MEIS1: variants seen among roughly 807,000 people sequenced by gnomAD.
The protein encoded by MEIS1 is homeobox protein Meis1.
A neutral mutation model predicts 50.8 loss-of-function variants in MEIS1; 5 were observed. That is an observed-to-expected ratio of 0.10 (90% CI 0.05 to 0.21). The LOEUF (loss-of-function observed/expected upper bound fraction) is 0.21, where lower values mean the gene tolerates loss of function less well. Among genes scored for constraint, MEIS1 ranks in the 10% least tolerant of loss-of-function variants. The pLI is 1.00. For missense variants in MEIS1, 318 were observed against 517.3 expected, an observed-to-expected ratio of 0.61 and a Z score of 3.74; for synonymous variants, 176 against 179.3, an observed-to-expected ratio of 0.98 and a Z score of 0.15.
chr2:66,437,167 T>C (rs1156848146), intron 1 of MEIS1, among the ~76,000 whole-genome samples: 1 of 152,168 alleles, frequency 6.6e-6, no homozygotes, highest in African/African-American at 2.4e-5. Context: ...GAGTTTGTCT[T>C]GGAAAGCAAA....
chr2:66,529,691 C>T (rs1674343394), intron 8 of MEIS1, among the ~76,000 whole-genome samples: 1 of 152,122 alleles, frequency 6.6e-6, no homozygotes, highest in South Asian at 2.1e-4. Context: ...AAAGGTAGAT[C>T]CTTTTGCAAT....
chr2:66,542,135 T>C (rs1180301390), intron 8 of MEIS1, among the ~76,000 whole-genome samples: 2 of 152,218 alleles, frequency 1.3e-5, no homozygotes, highest in African/African-American at 4.8e-5. Context: ...TAAATATATT[T>C]GGTTAACAAG....
Position 66,464,145 on chromosome 2 carries a change from A to G in MEIS1, c.667A>G (p.Thr223Ala). ...WNRDHDDTASTRSGGTPGPSS... is the reference protein window; with the variant it reads ...WNRDHDDTASARSGGTPGPSS... The stretch of plus-strand genomic sequence containing the variant: ...CAGAGATCATGATGACACGGCATCT[A>G]CTCGTTCAGGAGGAACCCCAGGCCC... The change falls in exon 7 of 13, where the codon ACT becomes GCT. Residue 223 changes from threonine (T) to alanine (A), a missense_variant. Thr to Ala is a moderately conservative substitution (Grantham distance 58). Transcript: ENST00000272369. 6.2e-7 allele frequency: 1 copy of G among 1,605,106 alleles called. No homozygotes were observed. The highest frequency in any genetic ancestry group is 8.5e-7 in the Non-Finnish European group (1 of 1,176,062).
chr2:66,495,080 CTTTTTT>C (rs70943701), intron 7 of MEIS1, among the ~76,000 whole-genome samples: 2 of 91,516 alleles, frequency 2.2e-5, no homozygotes, highest in Non-Finnish European at 4.1e-5. Context: ...CTCTTCTGAC[CTTTTTT>C]TTTTTTTTTT....
intron 9 of MEIS1, among the ~76,000 whole-genome samples, chr2:66,557,772 G>T (rs538522280): frequency 7.2e-5 from 11 of 152,152 alleles, no homozygotes; most frequent in African/African-American, 2.7e-4. Flanking sequence ...GGGAATGACA[G>T]TATAGCAACA....
chr2:66,475,259 T>C (rs1168895340), intron 7 of MEIS1, among the ~76,000 whole-genome samples: 3 of 133,912 alleles, frequency 2.2e-5, no homozygotes, highest in Non-Finnish European at 4.6e-5. Context: ...ATTTATAAAA[T>C]AAATATATAA....
rs1293756293 is a variant in MEIS1 at position 66,550,476 on chromosome 2, G to A, written c.965+2457G>A. ...TAGAAACCTCTTCCTGTTTTGTTTT[G>A]TTTTGTTTTGTTTTGTTTTGTTTTG... On this transcript the variant is annotated intron_variant, in intron 9 of 12. Transcript: ENST00000272369. 2.3e-5 allele frequency among the ~76,000 whole-genome samples: 3 copies of A among 129,706 alleles called. No individual in the cohort carries two copies. The East Asian group carries it at 6.3e-4, about 27-fold the overall frequency. 85.1% of individuals were successfully genotyped at this position (129,706 alleles called of 152,430 possible).
Position 66,456,211 on chromosome 2 carries a change from A to C in MEIS1, c.631-7898A>C, listed in dbSNP as rs146140026. Among the ~76,000 whole-genome samples, 83 of 146,258 alleles carry C rather than the reference A, an allele frequency of 5.7e-4. 1 individual carries two copies. In the East Asian group the frequency reaches 0.016, roughly 28 times the overall value. On this transcript the variant is annotated intron_variant, in intron 6 of 12. Transcript: ENST00000272369. Reference sequence around the variant, plus strand: ...CTATGTCTACCTATACAAACTACCCACAGTGACTATCATATGATTTTTATA... The same window carrying C: ...CTATGTCTACCTATACAAACTACCCCCAGTGACTATCATATGATTTTTATA...
At chr2:66,483,984 C>G (rs1437039121) in intron 7 of MEIS1, among the ~76,000 whole-genome samples, 1 of 152,152 alleles carries the variant, frequency 6.6e-6, no homozygotes, top group African/African-American at 2.4e-5. Context: ...CTTTGAATTT[C>G]AGTACATCAA....
chr2:66,532,865 C>CAT (rs1259254500), intron 8 of MEIS1, among the ~76,000 whole-genome samples: 24 of 151,706 alleles, frequency 1.6e-4, no homozygotes, highest in Admixed American at 4.6e-4. Context: ...CTTTAGTCTG[C>CAT]ATATATATAT....
At chr2:66,516,577 TTGTGTGTGTGTGTG>T (rs59154318) in intron 8 of MEIS1, among the ~76,000 whole-genome samples, 2 of 148,132 alleles carry the variant, frequency 1.4e-5, no homozygotes, top group South Asian at 2.2e-4. Context: ...CCTGGAAAAT[TTGTGTGTGTGTGTG>T]TGTGTGTGTG....
At chr2:66,502,564 G>C (rs1264451052) in intron 7 of MEIS1, among the ~76,000 whole-genome samples, 1 of 152,174 alleles carries the variant, frequency 6.6e-6, no homozygotes, top group Non-Finnish European at 1.5e-5. Flanking sequence ...CCTGAAGTCT[G>C]GCTTATATCA....
chr2:66,453,911 G>T (rs189761535), intron 6 of MEIS1, among the ~76,000 whole-genome samples: 272 of 152,018 alleles, frequency 1.8e-3, no homozygotes, highest in Non-Finnish European at 2.7e-3. Context: ...AGAAACACTT[G>T]AGACTAAACA....
intron 9 of MEIS1, among the ~76,000 whole-genome samples, chr2:66,566,484 A>G (rs933015942): frequency 6.6e-6 from 1 of 152,108 alleles, no homozygotes; most frequent in Non-Finnish European, 1.5e-5. Context: ...GGAATTTACT[A>G]TTTCAGAATC....
Position 66,538,476 on chromosome 2 carries a change from C to A in MEIS1, c.889-9467C>A, listed in dbSNP as rs371457317. ...CTCTACTATTCTGGGATTTGTTGAA[C>A]TAAGTGAGAAGGATGAATAATTGTT... On this transcript the variant is annotated intron_variant, in intron 8 of 12. Coordinates refer to ENST00000272369, the MANE Select transcript of MEIS1 (RefSeq NM_002398.3). Among the ~76,000 whole-genome samples the A allele has an allele frequency of 1.9e-4, 29 of 152,296 alleles. No individual in the cohort carries two copies. The East Asian group carries it at 3.9e-3, about 20-fold the overall frequency.
In MEIS1 at chr2:66,571,434, C is replaced by T; in HGVS notation, c.*226C>T. 2 of 1,605,560 alleles carry T rather than the reference C, an allele frequency of 1.2e-6. No homozygotes were observed. Among genetic ancestry groups the T allele is most frequent in the Admixed American group, 1.7e-5 (1 of 58,398 alleles). On this transcript the variant is annotated 3_prime_UTR_variant, in exon 13 of 13. Transcript: ENST00000272369. Reference sequence around the variant, plus strand: ...AGTGATGATGCATGGAGGACCGCCCCACCCTGGAATGCCAATGTCAGCATC... The same window carrying T: ...AGTGATGATGCATGGAGGACCGCCCTACCCTGGAATGCCAATGTCAGCATC...
At chr2:66,527,591 AGTGTGTGTGTGTGTGTGTGTGT>A (rs71409176) in intron 8 of MEIS1, among the ~76,000 whole-genome samples, 15 of 124,476 alleles carry the variant, frequency 1.2e-4, no homozygotes, top group East Asian at 1.2e-3. Flanking sequence ...AGTAAAAGCA[AGTGTGTGTGTGTGTGTGTGTGT>A]GTGTGTGTGT....
chr2:66,528,888 G>A (rs944847195), intron 8 of MEIS1, among the ~76,000 whole-genome samples: 4 of 152,052 alleles, frequency 2.6e-5, no homozygotes, highest in Non-Finnish European at 5.9e-5. Flanking sequence ...GTGCCCTGGC[G>A]CCTCTCTCAC....
rs1675512725 is a variant in MEIS1 at position 66,573,016 on chromosome 2, A to G, written c.*1808A>G. 1 of 152,218 alleles carries G rather than the reference A, an allele frequency of 6.6e-6. No homozygotes were observed. Among genetic ancestry groups the G allele is most frequent in the Admixed American group, 6.5e-5 (1 of 15,278 alleles). The allele number at this position is 152,218 out of a possible 1,614,324, so 9.4% of individuals were successfully genotyped here. A position where few individuals can be genotyped will look rare whatever the true frequency, so the allele number is the denominator to read the frequency against. On this transcript the variant is annotated 3_prime_UTR_variant, in exon 13 of 13. Coordinates refer to ENST00000272369, the MANE Select transcript of MEIS1 (RefSeq NM_002398.3). Reference sequence around the variant, plus strand: ...TTACATCCAACAGAATTACTCATCTAATATCAGTGAAATTATTCTTGCACA... The same window carrying G: ...TTACATCCAACAGAATTACTCATCTGATATCAGTGAAATTATTCTTGCACA...
Sources: gnomAD v4.1 joint callset for allele counts (sites outside exome capture counted in the v4.1 genomes callset) on GRCh38, gnomAD v4.1.1 for gene constraint, MANE v1.5 for transcripts, NCBI Gene and HGNC (gene_info 2026-07-23, HGNC 2026-07-21) for gene names.